Variants in ZNF24 observed in about 807,000 individuals in gnomAD.
ZNF24 encodes the protein zinc finger protein 24.
Under a neutral mutation model 40.9 loss-of-function variants are expected in ZNF24, and 11 were observed. The observed-to-expected ratio is 0.27, with a 90% CI of 0.17 to 0.45. The LOEUF (loss-of-function observed/expected upper bound fraction) is 0.45. Among genes scored for constraint, ZNF24 ranks in the 20% least tolerant of loss-of-function variants. The pLI is 1.00. For synonymous variants in ZNF24, 139 were observed against 154.7 expected (o/e 0.90, Z 0.75); for missense variants, 293 against 437.7 (o/e 0.67, Z 2.95).
rs192484418 is a variant in ZNF24 at position 35,342,579 on chromosome 18, C to T, written c.-84+1781G>A. On this transcript the variant is annotated intron_variant, in intron 1 of 3. Coordinates refer to ENST00000261332, the MANE Select transcript of ZNF24 (RefSeq NM_006965.4). Reference sequence around the variant, plus strand: ...CAAACATTTTATATCATATTTTACTCTTATCTTTTCTATGTTTTGATACAC... The same window carrying T: ...CAAACATTTTATATCATATTTTACTTTTATCTTTTCTATGTTTTGATACAC... The T allele has an allele frequency of 1.4e-3, 213 of 151,294 alleles. 5 individuals are homozygous for T. Among genetic ancestry groups the T allele is most frequent in the Admixed American group, 0.013 (204 of 15,170 alleles). The allele number at this position is 151,294 out of a possible 1,614,324, so 9.4% of individuals were successfully genotyped here.
intron 3 of ZNF24, chr18:35,339,171 A>G: frequency 1.2e-6 from 1 of 826,424 alleles, no homozygotes; most frequent in Non-Finnish European, 2.0e-6. Flanking sequence ...CAAAGGATAC[A>G]CATAAGTATA....
rs2974908 is a variant in ZNF24 at position 35,340,685 on chromosome 18, G to C, written c.-35C>G. ...TAATATTTCAAGAAAAGACAACTGA[G>C]GCAGAATATAAGCCTCAGGGCAATA... is the stretch of plus-strand genomic sequence containing the variant. On this transcript the variant is annotated 5_prime_UTR_variant, in exon 2 of 4. Coordinates refer to ENST00000261332, the MANE Select transcript of ZNF24 (RefSeq NM_006965.4). This position sits in a 1 kb window ranked among gnomAD's most constrained non-coding sequence, Gnocchi z 4.6. 3 of 1,590,256 alleles carry C rather than the reference G, an allele frequency of 1.9e-6. No homozygotes were observed. Among genetic ancestry groups the C allele is most frequent in the Non-Finnish European group, 1.7e-6 (2 of 1,169,620 alleles).
At chr18:35,342,260 T>C (rs2044976667) in intron 1 of ZNF24, among the ~76,000 whole-genome samples, 1 of 151,632 alleles carries the variant, frequency 6.6e-6, no homozygotes, top group Non-Finnish European at 1.5e-5. Context: ...CTGTACAATG[T>C]GTTTGTATTT....
In ZNF24 at chr18:35,340,307, T is replaced by G; in HGVS notation, c.344A>C (p.His115Pro). The part of the protein sequence containing the change: ...PKELQTWVRD[H>P]HPENGEEAVT... The stretch of plus-strand genomic sequence containing the variant: ...TGCCTCCTCTCCATTCTCTGGATGA[T>G]GATCTCGAACCCAAGTCTGTAGCTC... The change falls in exon 2 of 4, where the codon CAT (histidine) becomes CCT (proline). Residue 115 changes from histidine to proline, a missense_variant. By Grantham distance (77) the His-to-Pro change is moderately conservative (BLOSUM62 -2). Coordinates refer to ENST00000261332, the MANE Select transcript of ZNF24 (RefSeq NM_006965.4). The surrounding 1 kb of genome is among the most constrained non-coding windows in gnomAD (Gnocchi z 4.6). 6.2e-7 allele frequency: 1 copy of G among 1,614,232 alleles called. No homozygotes were observed. Among genetic ancestry groups the G allele is most frequent in the Non-Finnish European group, 8.5e-7 (1 of 1,180,030 alleles).
rs1327141155 is a variant in ZNF24, at chr18:35,334,978, A to G, written c.*2254T>C. 6.6e-6 allele frequency: 1 copy of G among 152,182 alleles called. No homozygotes were observed. Among genetic ancestry groups the G allele is most frequent in the African/African-American group, 2.4e-5 (1 of 41,448 alleles). 9.4% of individuals were successfully genotyped at this position (152,182 alleles called of 1,614,324 possible). On this transcript the variant is annotated 3_prime_UTR_variant, in exon 4 of 4. Coordinates refer to ENST00000261332, the MANE Select transcript of ZNF24 (RefSeq NM_006965.4). The stretch of plus-strand genomic sequence containing the variant: ...AACAGTATTTGCCAACCCTCATACT[A>G]CTTTTTCTACACTCACATTACCAAA...
chr18:35,336,021 A>T lies in ZNF24; in HGVS notation c.*1211T>A, dbSNP rs1385698852. 2.6e-5 allele frequency: 4 copies of T among 151,484 alleles called. No individual in the cohort carries two copies. The highest frequency in any genetic ancestry group is 1.3e-4 in the Admixed American group (2 of 15,190). The allele number at this position is 151,484 out of a possible 1,614,324, so 9.4% of individuals were successfully genotyped here. A position where few individuals can be genotyped will look rare whatever the true frequency, so the allele number is the denominator to read the frequency against. The stretch of plus-strand genomic sequence containing the variant: ...CCCCCTCCAAATACAACACCCTGGT[A>T]AAAAAAACTACAGTTCTGGGAACCT... On this transcript the variant is annotated 3_prime_UTR_variant, in exon 4 of 4. Transcript: ENST00000261332.
Position 35,340,023 on chromosome 18 carries a change from C to G in ZNF24, c.421-47G>C, listed in dbSNP as rs1386315593. ...TCAGAGAAGGAACTGTAATGAGAAT[C>G]AGAACTAAAAACACGTAAGAGAAAC... is the stretch of plus-strand genomic sequence containing the variant. On this transcript the variant is annotated intron_variant, in intron 2 of 3. Coordinates refer to ENST00000261332, the MANE Select transcript of ZNF24 (RefSeq NM_006965.4). The surrounding 1 kb of genome is among the most constrained non-coding windows in gnomAD (Gnocchi z 4.6). 6.3e-7 allele frequency: 1 copy of G among 1,579,392 alleles called. No homozygotes were observed. The highest frequency in any genetic ancestry group is 8.6e-7 in the Non-Finnish European group (1 of 1,157,078).
In ZNF24 at chr18:35,332,894, C is replaced by T. The variant is rs2044870707; in HGVS notation, c.*4338G>A. The T allele has an allele frequency of 6.6e-6, 1 of 152,310 alleles. No individual in the cohort carries two copies. Among genetic ancestry groups the T allele is most frequent in the South Asian group, 2.1e-4 (1 of 4,820 alleles). 9.4% of individuals were successfully genotyped at this position (152,310 alleles called of 1,614,324 possible). A position where few individuals can be genotyped will look rare whatever the true frequency, so the allele number is the denominator to read the frequency against. On this transcript the variant is annotated 3_prime_UTR_variant, in exon 4 of 4. Transcript: ENST00000261332. ...AATGGCCAATAAACATGAAAATAAC[C>T]CCAATCTCACCATTTTTTTTTATAA...
rs769748353 is a variant in ZNF24 at position 35,337,060 on chromosome 18, A to C, written c.*172T>G. On this transcript the variant is annotated 3_prime_UTR_variant, in exon 4 of 4. Coordinates refer to ENST00000261332, the MANE Select transcript of ZNF24 (RefSeq NM_006965.4). Reference sequence around the variant, plus strand: ...TCAGTTTCTAGGCAGGTATGACACCATTTCTTTCAAGATAAATATCATAAT... The same window carrying C: ...TCAGTTTCTAGGCAGGTATGACACCCTTTCTTTCAAGATAAATATCATAAT... 1 of 549,928 alleles carries C rather than the reference A, an allele frequency of 1.8e-6. No homozygotes were observed. Among genetic ancestry groups the C allele is most frequent in the Non-Finnish European group, 2.8e-6 (1 of 351,428 alleles). 34.1% of individuals were successfully genotyped at this position (549,928 alleles called of 1,614,324 possible).
chr18:35,340,923 A>G lies in ZNF24; in HGVS notation c.-83-190T>C, dbSNP rs2044963401. ...CCACCCATTTCTGTACAACACTTGC[A>G]CCAACAATAATTTTCACATTTTTAA... On this transcript the variant is annotated intron_variant, in intron 1 of 3. Coordinates refer to ENST00000261332, the MANE Select transcript of ZNF24 (RefSeq NM_006965.4). This position sits in a 1 kb window ranked among gnomAD's most constrained non-coding sequence, Gnocchi z 4.6. 6.6e-6 allele frequency among the ~76,000 whole-genome samples: 1 copy of G among 152,182 alleles called. No individual in the cohort carries two copies. Among genetic ancestry groups the G allele is most frequent in the Admixed American group, 6.5e-5 (1 of 15,284 alleles).
At chr18:35,338,831 T>A (rs1453511337) in intron 3 of ZNF24, 2 of 1,344,740 alleles carry the variant, frequency 1.5e-6, no homozygotes, top group African/African-American at 3.0e-5. Flanking sequence ...GAAAAGTCAC[T>A]CTAAAATTCA....
In ZNF24 at chr18:35,339,850, G is replaced by A. The variant is rs372209559; in HGVS notation, c.547C>T (p.Leu183Phe). Reference sequence around the variant, plus strand: ...TCACCACAGTGCCTTAGGGAATGGAGCTCCCAGGATGCCCACTTGAGCTGG... The same window carrying A: ...TCACCACAGTGCCTTAGGGAATGGAACTCCCAGGATGCCCACTTGAGCTGG... ...ENQLKWASWE[L>F]HSLRHCDDDG... Residue 183 changes from leucine (L) to phenylalanine (F), a missense_variant, in exon 3 of 4, where the codon CTC (leucine) becomes TTC (phenylalanine). This residue lies in a region of ZNF24 where 234 missense variants were observed against 299.2 expected (regional missense o/e 0.78). Transcript: ENST00000261332. The A allele has an allele frequency of 5.6e-6, 9 of 1,610,590 alleles. No individual in the cohort carries two copies. The South Asian group carries it at 6.6e-5, about 12-fold the overall frequency.
intron 3 of ZNF24, chr18:35,338,889 T>TTC (rs1267842304): frequency 1.4e-6 from 2 of 1,395,026 alleles, no homozygotes; most frequent in African/African-American, 2.9e-5. Context: ...AGAATGATAC[T>TTC]TCTCAAACTT....
Position 35,340,620 on chromosome 18 carries a change from T to A in ZNF24, c.31A>T (p.Ile11Leu). The change falls in exon 2 of 4, where the codon ATA (isoleucine) becomes TTA (leucine). Residue 11 changes from isoleucine (I) to leucine (L), a missense_variant. Transcript: ENST00000261332. The surrounding 1 kb of genome is among the most constrained non-coding windows in gnomAD (Gnocchi z 4.6). ...TCATCTGGAGTTGGGATGATAAGTA[T>A]TGAATCTTCTTCCACTGACTGTGCA... MSAQSVEEDS[I>L]LIIPTPDEEE... 1 of 1,613,904 alleles carries A rather than the reference T, an allele frequency of 6.2e-7. No homozygotes were observed. The highest frequency in any genetic ancestry group is 8.5e-7 in the Non-Finnish European group (1 of 1,180,048).
In ZNF24 at chr18:35,334,152, GA is replaced by G. The variant is rs1230252772; in HGVS notation, c.*3079del. 1 of 152,078 alleles carries G rather than the reference GA, an allele frequency of 6.6e-6. No homozygotes were observed. Among genetic ancestry groups the G allele is most frequent in the East Asian group, 1.9e-4 (1 of 5,196 alleles). 9.4% of individuals were successfully genotyped at this position (152,078 alleles called of 1,614,324 possible). On this transcript the variant is annotated 3_prime_UTR_variant, in exon 4 of 4. Coordinates refer to ENST00000261332, the MANE Select transcript of ZNF24 (RefSeq NM_006965.4). ...TATCATGACTTCTCGGTAACACTGT[GA>G]AAGGAAATATCCTTTTTCATTTTAC... is the stretch of plus-strand genomic sequence containing the variant.
intron 3 of ZNF24, chr18:35,339,079 G>A: frequency 1.3e-6 from 2 of 1,533,626 alleles, no homozygotes; most frequent in East Asian, 2.4e-5. Context: ...GATTACTAAA[G>A]CAGAGTCAAA....
At position 35,337,746 on chromosome 18, in the gene ZNF24, C is replaced by A; in HGVS notation, c.593G>T (p.Gly198Val). The A allele has an allele frequency of 1.9e-6, 3 of 1,593,402 alleles. No individual in the cohort carries two copies. The highest frequency in any genetic ancestry group is 2.6e-6 in the Non-Finnish European group (3 of 1,172,150). Reference sequence around the variant, plus strand: ...AAGCTCCTGCTTTGGAGCTAGTGCTCCATTTTCAGTCCTACCATCATCATC... The same window carrying A: ...AAGCTCCTGCTTTGGAGCTAGTGCTACATTTTCAGTCCTACCATCATCATC... Reference protein sequence around the residue: ...HCDDDGRTENGALAPKQELPS... With the variant: ...HCDDDGRTENVALAPKQELPS... Residue 198 changes from glycine (G) to valine (V), a missense_variant, in exon 4 of 4, where the codon GGA (glycine) becomes GTA (valine). Gly to Val is a moderately radical substitution (Grantham distance 109, BLOSUM62 -3). This residue lies in a region of ZNF24 where 234 missense variants were observed against 299.2 expected (regional missense o/e 0.78). Transcript: ENST00000261332.
chr18:35,342,229 GATATAA>G (rs2044976175), intron 1 of ZNF24, among the ~76,000 whole-genome samples: 7 of 151,818 alleles, frequency 4.6e-5, no homozygotes, highest in East Asian at 1.9e-4. Context: ...ACAGAATAAG[GATATAA>G]ATATATTTGT....
Position 35,337,128 on chromosome 18 carries a change from G to T in ZNF24, c.*104C>A. The T allele has an allele frequency of 1.1e-6, 1 of 930,874 alleles. No homozygotes were observed. The highest frequency in any genetic ancestry group is 1.5e-6 in the Non-Finnish European group (1 of 686,496). 57.7% of individuals were successfully genotyped at this position (930,874 alleles called of 1,614,324 possible). A position where few individuals can be genotyped will look rare whatever the true frequency, so the allele number is the denominator to read the frequency against. ...ACATTTCCCAGTGGATTTTCTGACAGTCAATAGGGAAAAAACTATTCTGCA... is the reference window on the plus strand; with the variant it reads ...ACATTTCCCAGTGGATTTTCTGACATTCAATAGGGAAAAAACTATTCTGCA... On this transcript the variant is annotated 3_prime_UTR_variant, in exon 4 of 4. Transcript: ENST00000261332.
Sources: gnomAD v4.1 joint callset for allele counts (sites outside exome capture counted in the v4.1 genomes callset) on GRCh38, gnomAD v4.1.1 for gene constraint, gnomAD v4.1.1 regional missense constraint, Gnocchi (gnomAD v3.1) non-coding constraint, MANE v1.5 for transcripts, NCBI Gene and HGNC (gene_info 2026-07-23, HGNC 2026-07-21) for gene names.